ARSF: variants seen among roughly 807,000 people sequenced by gnomAD.
ARSF encodes arylsulfatase F.
Under a neutral mutation model 35.4 loss-of-function variants are expected in ARSF, and 33 were observed. The ratio of observed to expected loss-of-function variants is 0.93; its 90% confidence interval spans 0.71 to 1.25. ARSF has a LOEUF of 1.25. Ranked by LOEUF, ARSF falls within the 50% of genes most tolerant of loss-of-function variation. The pLI is 0.00. For synonymous variants in ARSF, 222 were observed against 193.1 expected (o/e 1.15, Z -1.24); for missense variants, 501 against 480.2 (o/e 1.04, Z -0.40).
chrX:3,104,001 G>C (rs1194581009), intron 9 of ARSF, 77 bp downstream of exon 9: 2 of 1,087,535 alleles, frequency 1.8e-6, no homozygotes, highest in African/African-American at 3.7e-5. Flanking sequence ...CAAGGAGACT[G>C]ACTCTATCCT....
intron 9 of ARSF, among the ~76,000 whole-genome samples, chrX:3,108,614 G>A (rs2090424694): frequency 8.9e-6 from 1 of 112,005 alleles, no homozygotes; most frequent in African/African-American, 3.2e-5. Context: ...AGTTGTTATT[G>A]TATTGTGTGA....
chrX:3,089,340 C>A (rs773715033), intron 6 of ARSF, among the ~76,000 whole-genome samples, 156 bp from the exon 7 acceptor site: 4 of 111,826 alleles, frequency 3.6e-5, no homozygotes, highest in African/African-American at 9.7e-5. Flanking sequence ...ATCATGGAGT[C>A]CATTCTATGC....
rs150113779 is a variant in ARSF at position 3,076,684 on chromosome X, G to A, written c.283+15G>A. 2,160 of 1,201,997 alleles carry A rather than the reference G, an allele frequency of 1.8e-3. 23 individuals are homozygous for A. The East Asian group carries it at 0.039, about 22-fold the overall frequency. Reference sequence around the variant, plus strand: ...CATCCGATCAGGTGCGCAAACTGGCGGGCTCTGCTGGGCTCTGCCCTCATG... The same window carrying A: ...CATCCGATCAGGTGCGCAAACTGGCAGGCTCTGCTGGGCTCTGCCCTCATG... On this transcript the variant is annotated intron_variant, in intron 4 of 10. Transcript: ENST00000381127.
chrX:3,064,892 T>C (rs2090057007), intron 1 of ARSF, among the ~76,000 whole-genome samples: 1 of 111,695 alleles, frequency 9.0e-6, no homozygotes, highest in African/African-American at 3.3e-5. Flanking sequence ...GAAGACAGTG[T>C]GGCAATTCCT....
intron 4 of ARSF, among the ~76,000 whole-genome samples, chrX:3,077,818 T>TATTATTA (rs1569138566): frequency 1.9e-5 from 2 of 104,298 alleles, no homozygotes; most frequent in Admixed American, 1.1e-4. Context: ...TTATTATTAT[T>TATTATTA]TTTGAAATGG....
At chrX:3,068,179 T>A in intron 2 of ARSF, 68 bp downstream of exon 2, 2 of 1,052,252 alleles carry the variant, frequency 1.9e-6, no homozygotes, top group Non-Finnish European at 2.6e-6. Context: ...TATTTGTGAA[T>A]CCAGCCTTAT....
intron 7 of ARSF, among the ~76,000 whole-genome samples, chrX:3,096,021 A>T (rs1489931029): frequency 9.2e-6 from 1 of 108,269 alleles, no homozygotes; most frequent in Non-Finnish European, 1.9e-5. Flanking sequence ...TATGTAGTAT[A>T]TGTGTTCTAA....
At chrX:3,098,627 C>T (rs1281028491) in intron 7 of ARSF, among the ~76,000 whole-genome samples, 1 of 111,124 alleles carries the variant, frequency 9.0e-6, no homozygotes, top group Non-Finnish European at 1.9e-5. Flanking sequence ...CTTTCACCTC[C>T]CATCGTGATT....
intron 9 of ARSF, among the ~76,000 whole-genome samples, chrX:3,107,619 C>T (rs2090419253): frequency 1.8e-5 from 2 of 111,483 alleles, no homozygotes; most frequent in African/African-American, 3.2e-5. Context: ...AGACTCACTA[C>T]ATAATTCCAA....
At chrX:3,065,383 T>C (rs988583276) in intron 1 of ARSF, among the ~76,000 whole-genome samples, 1 of 108,778 alleles carries the variant, frequency 9.2e-6, no homozygotes, top group Non-Finnish European at 1.9e-5. Flanking sequence ...TGTATACCTA[T>C]GTAACGAGCC....
intron 1 of ARSF, among the ~76,000 whole-genome samples, chrX:3,042,271 CAG>C (rs996582378): frequency 9.0e-6 from 1 of 111,543 alleles, no homozygotes; most frequent in Non-Finnish European, 1.9e-5. Flanking sequence ...TGATGACTAT[CAG>C]AGTTTTCACA....
At position 3,112,190 on chromosome X, in the gene ARSF, G is replaced by T; in HGVS notation, c.1407G>T (p.Lys469Asn). The change falls in exon 11 of 11, where the codon AAG (lysine) becomes AAT (asparagine). Residue 469 changes from lysine to asparagine, a missense_variant. Physicochemically the swap from Lys to Asn is moderately conservative, Grantham distance 94 (BLOSUM62 0). Transcript: ENST00000381127. ...CTCCTCCAGGTGGGTCAGTTTGGAA[G>T]GCTCACTATGTGACCCCGGTATTCC... Reference protein sequence around the residue: ...IPKDDSGSVWKAHYVTPVFQP... With the variant: ...IPKDDSGSVWNAHYVTPVFQP... 1 of 1,207,034 alleles carries T rather than the reference G, an allele frequency of 8.3e-7. No homozygotes were observed. Among genetic ancestry groups the T allele is most frequent in the African/African-American group, 1.7e-5 (1 of 57,450 alleles).
intron 7 of ARSF, among the ~76,000 whole-genome samples, chrX:3,097,849 G>A (rs1343952496): frequency 1.8e-5 from 2 of 110,992 alleles, no homozygotes; most frequent in African/African-American, 6.6e-5. Flanking sequence ...TGACCAACAT[G>A]GAGAAATCCT....
chrX:3,079,015 A>G (rs2090175108), intron 4 of ARSF, among the ~76,000 whole-genome samples: 1 of 110,273 alleles, frequency 9.1e-6, no homozygotes. Context: ...TGGACATTTC[A>G]CATAAAAGGA....
intron 8 of ARSF, among the ~76,000 whole-genome samples, chrX:3,103,158 C>T (rs751487497): frequency 9.0e-6 from 1 of 111,289 alleles, no homozygotes; most frequent in Non-Finnish European, 1.9e-5. Context: ...TTTCAAGGTG[C>T]ATGAATCAAC....
intron 6 of ARSF, 107 bp downstream of exon 6, chrX:3,084,773 A>AAATAGCTAAATAG: frequency 2.6e-6 from 2 of 771,220 alleles, no homozygotes; most frequent in Admixed American, 4.3e-5. Context: ...TCTATTGTAC[A>AAATAGCTAAATAG]CTTCTAAATA....
Position 3,060,235 on chromosome X carries a change from G to A in ARSF, c.-28-7838G>A, listed in dbSNP as rs1231288493. On this transcript the variant is annotated intron_variant, in intron 1 of 10. Coordinates refer to ENST00000381127, the MANE Select transcript of ARSF (RefSeq NM_001201539.2). ...AGGTGAGGGATCTGACTGTCAGAAG[G>A]AAAACTAACAAACAGAAAGGAATAG... Among the ~76,000 whole-genome samples, 4 of 112,209 alleles carry A rather than the reference G, an allele frequency of 3.6e-5. No homozygotes were observed. The Admixed American group carries it at 3.8e-4, about 11-fold the overall frequency.
At chrX:3,088,323 G>A (rs969351477) in intron 6 of ARSF, among the ~76,000 whole-genome samples, 4 of 111,596 alleles carry the variant, frequency 3.6e-5, no homozygotes, top group African/African-American at 1.3e-4. Flanking sequence ...ACCAAACAGA[G>A]CTGGATTTGA....
Position 3,089,367 on chromosome X carries a change from G to A in ARSF, c.831-129G>A, listed in dbSNP as rs1198791206. 16 of 769,870 alleles carry A rather than the reference G, an allele frequency of 2.1e-5. No homozygotes were observed. In the South Asian group the frequency reaches 3.1e-4, roughly 15 times the overall value. The allele number at this position is 769,870 out of a possible 1,213,427, so 63.4% of individuals were successfully genotyped here. The stretch of plus-strand genomic sequence containing the variant: ...ATTCTATGCAGGATGGGGCCCTTGG[G>A]TGGACCCACTCTATCTTCTGCAGCT... On this transcript the variant is annotated intron_variant, in intron 6 of 10. Transcript: ENST00000381127.
Sources: gnomAD v4.1 joint callset for allele counts (sites outside exome capture counted in the v4.1 genomes callset) on GRCh38, gnomAD v4.1.1 for gene constraint, MANE v1.5 for transcripts, NCBI Gene and HGNC (gene_info 2026-07-23, HGNC 2026-07-21) for gene names.